The following ERI3 variants were observed in gnomAD, a reference collection of about 807,000 sequenced individuals.
The protein encoded by ERI3 is ERI1 exoribonuclease 3.
A neutral mutation model predicts 44.4 loss-of-function variants in ERI3; 18 were observed. That is an observed-to-expected ratio of 0.41 (90% CI 0.28 to 0.60). ERI3 has a LOEUF of 0.60. Ranked by LOEUF, ERI3 falls within the 20% of genes least tolerant of loss-of-function variation. ERI3 has a pLI of 0.36. For missense variants in ERI3, 294 were observed against 435.5 expected, an observed-to-expected ratio of 0.68 and a Z score of 2.89; for synonymous variants, 183 against 164.8, an observed-to-expected ratio of 1.11 and a Z score of -0.84.
At chr1:44,327,720 A>C (rs191743558) in intron 3 of ERI3, among the ~76,000 whole-genome samples, 3 of 152,336 alleles carry the variant, frequency 2.0e-5, no homozygotes, top group Admixed American at 2.0e-4. Context: ...GAAGGTCCAG[A>C]GTCCACATTC....
intron 7 of ERI3, among the ~76,000 whole-genome samples, chr1:44,249,483 G>A (rs1644629811): frequency 6.6e-6 from 1 of 152,164 alleles, no homozygotes; most frequent in African/African-American, 2.4e-5. Flanking sequence ...TTCCTTTCCA[G>A]CTGCAGGAAC....
Position 44,349,408 on chromosome 1 carries a change from G to A in ERI3, c.211+3442C>T, listed in dbSNP as rs555865029. Reference sequence around the variant, plus strand: ...CCTCCTGACCTCAGGTGATCCACCCGCCTTGACCTCCCAAAGTGTTGGGAT... The same window carrying A: ...CCTCCTGACCTCAGGTGATCCACCCACCTTGACCTCCCAAAGTGTTGGGAT... On this transcript the variant is annotated intron_variant, in intron 2 of 8. Coordinates refer to ENST00000372257, the MANE Select transcript of ERI3 (RefSeq NM_024066.3). Among the ~76,000 whole-genome samples the A allele has an allele frequency of 7.2e-5, 11 of 152,174 alleles. No homozygotes were observed. The South Asian group carries it at 1.5e-3, about 20-fold the overall frequency.
intron 7 of ERI3, among the ~76,000 whole-genome samples, chr1:44,272,841 AAAAAT>A (rs3054072): frequency 0.042 from 6,228 of 146,582 alleles, 181 homozygotes; most frequent in African/African-American, 0.082. Context: ...GACTGTCTCA[AAAAAT>A]AAAATAAAAT....
intron 7 of ERI3, chr1:44,283,887 C>T (rs1475215103): frequency 7.2e-6 from 3 of 416,508 alleles, no homozygotes; most frequent in South Asian, 3.6e-5. Context: ...ATCCATATCC[C>T]ACCTTCCTTG....
intron 3 of ERI3, among the ~76,000 whole-genome samples, chr1:44,332,424 G>A (rs1646449382): frequency 6.6e-6 from 1 of 152,158 alleles, no homozygotes; most frequent in African/African-American, 2.4e-5. Context: ...GTGACCCAGT[G>A]TTCCCCAAGG....
chr1:44,302,453 G>A (rs1438146028), intron 6 of ERI3, among the ~76,000 whole-genome samples: 1 of 152,160 alleles, frequency 6.6e-6, no homozygotes, highest in African/African-American at 2.4e-5. Flanking sequence ...GTACACCTGT[G>A]GGCAAGGGGC....
At chr1:44,250,527 G>A (rs1268647168) in intron 7 of ERI3, among the ~76,000 whole-genome samples, 1 of 152,254 alleles carries the variant, frequency 6.6e-6, no homozygotes, top group East Asian at 1.9e-4. Flanking sequence ...TGGCAGGAAA[G>A]CGAAGGTGCC....
intron 7 of ERI3, among the ~76,000 whole-genome samples, chr1:44,248,769 T>C (rs1417846583): frequency 1.3e-5 from 2 of 151,756 alleles, no homozygotes; most frequent in Non-Finnish European, 2.9e-5. Flanking sequence ...AGTGCTCACT[T>C]ATGCATATTC....
intron 6 of ERI3, among the ~76,000 whole-genome samples, chr1:44,298,796 T>C (rs1645663847): frequency 6.6e-6 from 1 of 152,090 alleles, no homozygotes; most frequent in Non-Finnish European, 1.5e-5. Flanking sequence ...CATGTACCTA[T>C]AGTCCCAGCT....
At chr1:44,276,586 C>T (rs1451572015) in intron 7 of ERI3, among the ~76,000 whole-genome samples, 1 of 152,222 alleles carries the variant, frequency 6.6e-6, no homozygotes, top group African/African-American at 2.4e-5. Context: ...CTGCCCCATC[C>T]CTGAAATCAC....
intron 3 of ERI3, among the ~76,000 whole-genome samples, chr1:44,325,459 T>A (rs1004270450): frequency 6.6e-6 from 1 of 152,162 alleles, no homozygotes; most frequent in Non-Finnish European, 1.5e-5. Flanking sequence ...GCATTTCAAA[T>A]GAAATTTCAC....
intron 7 of ERI3, among the ~76,000 whole-genome samples, chr1:44,250,057 G>A (rs1406188710): frequency 6.6e-6 from 1 of 152,180 alleles, no homozygotes; most frequent in Non-Finnish European, 1.5e-5. Flanking sequence ...ATGTCGGGGA[G>A]AAGATTGCAG....
chr1:44,336,639 A>T (rs1646541534), intron 3 of ERI3, among the ~76,000 whole-genome samples: 1 of 152,246 alleles, frequency 6.6e-6, no homozygotes. Context: ...CTGTTTGCTG[A>T]TTGATTATCT....
chr1:44,298,317 G>A lies in ERI3; in HGVS notation c.758+9993C>T, dbSNP rs568792919. 6.6e-5 allele frequency among the ~76,000 whole-genome samples: 10 copies of A among 152,292 alleles called. No individual in the cohort carries two copies. The South Asian group carries it at 1.9e-3, about 28-fold the overall frequency. On this transcript the variant is annotated intron_variant, in intron 6 of 8. Coordinates refer to ENST00000372257, the MANE Select transcript of ERI3 (RefSeq NM_024066.3). ...CCTCAGAGAAGAGGGAGGACAGTGT[G>A]GGTTCCAGAATAGACAGGGAAGACC... is the stretch of plus-strand genomic sequence containing the variant.
intron 8 of ERI3, among the ~76,000 whole-genome samples, chr1:44,247,100 A>C (rs1014098683): frequency 6.6e-6 from 1 of 152,206 alleles, no homozygotes; most frequent in Non-Finnish European, 1.5e-5. Context: ...ATACACACAC[A>C]GATTGGTAGC....
At chr1:44,342,547 C>T (rs1572335973) in intron 2 of ERI3, among the ~76,000 whole-genome samples, 1 of 151,644 alleles carries the variant, frequency 6.6e-6, no homozygotes, top group Non-Finnish European at 1.5e-5. Flanking sequence ...CACACACACA[C>T]ACAAATATAC....
At chr1:44,229,938 C>T (rs557176801) in intron 8 of ERI3, among the ~76,000 whole-genome samples, 2 of 152,300 alleles carry the variant, frequency 1.3e-5, no homozygotes, top group South Asian at 2.1e-4. Context: ...CATGTCCCCA[C>T]AGCCATGGCA....
intron 7 of ERI3, among the ~76,000 whole-genome samples, chr1:44,258,515 A>C (rs922683333): frequency 6.6e-6 from 1 of 152,170 alleles, no homozygotes; most frequent in Non-Finnish European, 1.5e-5. Context: ...CCATTTATTG[A>C]GGAACTACCA....
At chr1:44,231,971 AG>A (rs1443697887) in intron 8 of ERI3, among the ~76,000 whole-genome samples, 1 of 152,170 alleles carries the variant, frequency 6.6e-6, no homozygotes, top group Non-Finnish European at 1.5e-5. Flanking sequence ...TCCAACCTTG[AG>A]GGGAGTTAGC....
Sources: allele counts gnomAD v4.1 joint callset (sites outside exome capture counted in the v4.1 genomes callset), GRCh38; gene constraint gnomAD v4.1.1; transcripts MANE v1.5; gene names NCBI Gene and HGNC (gene_info 2026-07-23, HGNC 2026-07-21).